SPATA6: variants seen among roughly 807,000 people sequenced by gnomAD.
SPATA6 encodes the protein spermatogenesis-associated protein 6.
Under a neutral mutation model 65.3 loss-of-function variants are expected in SPATA6, and 56 were observed. That is an observed-to-expected ratio of 0.86 (90% CI 0.69 to 1.07). SPATA6 has a LOEUF of 1.07. Among genes scored for constraint, SPATA6 ranks in the 50% least tolerant of loss-of-function variants. The pLI is 0.00. For missense variants in SPATA6, 590 were observed against 594.8 expected (o/e 0.99, Z 0.08); for synonymous variants, 199 against 213.2 (o/e 0.93, Z 0.58).
At chr1:48,402,900 C>T (rs998117445) in intron 6 of SPATA6, among the ~76,000 whole-genome samples, 3 of 152,138 alleles carry the variant, frequency 2.0e-5, no homozygotes, top group African/African-American at 7.2e-5. Flanking sequence ...CAGACTAGGC[C>T]AGGCAGATAA....
chr1:48,399,576 T>C lies in SPATA6; in HGVS notation c.555A>G (p.Arg185=), dbSNP rs776669679. ...GTGACTTGGATTTTTTCTTTTGTGA[T>C]CTTGATGTTCTGTTTTGCAGTCTGC... ...SHGRLQNRTS[R]SQKKKSKSPE... The change falls in exon 7 of 13, where the codon AGA becomes AGG. Residue 185 remains arginine (R), a synonymous_variant. Transcript: ENST00000371847. 8 of 1,612,746 alleles carry C rather than the reference T, an allele frequency of 5.0e-6. No individual in the cohort carries two copies. In the Admixed American group the frequency reaches 6.7e-5, roughly 13 times the overall value.
chr1:48,287,683 G>C, the SPATA6 span, among the ~76,000 whole-genome samples: 1 of 152,298 alleles, frequency 6.6e-6, no homozygotes, highest in South Asian at 2.1e-4. Flanking sequence ...ATGATTATGA[G>C]CTCCCTGAGG....
intron 12 of SPATA6, among the ~76,000 whole-genome samples, chr1:48,304,293 T>C (rs1645007609): frequency 6.6e-6 from 1 of 152,160 alleles, no homozygotes; most frequent in South Asian, 2.1e-4. Flanking sequence ...CTCAAAAATG[T>C]GTAAGCAGAA....
chr1:48,305,756 T>G (rs370000870), intron 12 of SPATA6, 31 bp downstream of exon 12: 422 of 1,486,736 alleles, frequency 2.8e-4, no homozygotes, highest in Non-Finnish European at 3.6e-4. Context: ...ATCAGAACTA[T>G]GAGAAGGATA....
At chr1:48,367,397 G>A (rs1350935592) in intron 9 of SPATA6, among the ~76,000 whole-genome samples, 1 of 152,160 alleles carries the variant, frequency 6.6e-6, no homozygotes, top group Non-Finnish European at 1.5e-5. Flanking sequence ...ACAGTGGGGT[G>A]TTAAAGTCTC....
At chr1:48,370,838 C>T (rs1647219514) in intron 9 of SPATA6, among the ~76,000 whole-genome samples, 1 of 152,154 alleles carries the variant, frequency 6.6e-6, no homozygotes, top group Non-Finnish European at 1.5e-5. Flanking sequence ...TAGCCCAAGC[C>T]TAACAGGATT....
intron 11 of SPATA6, among the ~76,000 whole-genome samples, chr1:48,346,431 C>G (rs1316111143): frequency 1.3e-5 from 2 of 152,076 alleles, no homozygotes; most frequent in Non-Finnish European, 2.9e-5. Flanking sequence ...AAGATGACCT[C>G]TCTCATCACT....
At chr1:48,380,133 C>A (rs1648391330) in intron 9 of SPATA6, among the ~76,000 whole-genome samples, 1 of 152,192 alleles carries the variant, frequency 6.6e-6, no homozygotes. Context: ...AAAGTACATT[C>A]ATTCAAAGAA....
intron 9 of SPATA6, among the ~76,000 whole-genome samples, chr1:48,361,221 T>C (rs1001466394): frequency 2.0e-5 from 3 of 152,108 alleles, no homozygotes; most frequent in Non-Finnish European, 4.4e-5. Context: ...TACTCCAATA[T>C]TTAGAGGCTT....
At chr1:48,446,791 G>C (rs1656089652) in intron 3 of SPATA6, among the ~76,000 whole-genome samples, 1 of 152,096 alleles carries the variant, frequency 6.6e-6, no homozygotes, top group Non-Finnish European at 1.5e-5. Context: ...AATACAATCA[G>C]AATGCACAAG....
intron 11 of SPATA6, among the ~76,000 whole-genome samples, chr1:48,311,987 A>C (rs1302176755): frequency 2.6e-5 from 4 of 152,182 alleles, no homozygotes; most frequent in Non-Finnish European, 5.9e-5. Flanking sequence ...CAACAGTCTG[A>C]GATAAAACTG....
At chr1:48,312,006 C>G (rs1395133095) in intron 11 of SPATA6, among the ~76,000 whole-genome samples, 1 of 152,168 alleles carries the variant, frequency 6.6e-6, no homozygotes, top group Non-Finnish European at 1.5e-5. Flanking sequence ...TGCAAGGTGG[C>G]AGCGAGGCTG....
At chr1:48,391,446 C>T (rs1650061783) in intron 8 of SPATA6, among the ~76,000 whole-genome samples, 1 of 151,746 alleles carries the variant, frequency 6.6e-6, no homozygotes, top group African/African-American at 2.4e-5. Context: ...GTATGTATTT[C>T]CTGGAAGCTA....
chr1:48,417,639 C>T (rs536634087), intron 3 of SPATA6, among the ~76,000 whole-genome samples: 2 of 152,064 alleles, frequency 1.3e-5, no homozygotes, highest in South Asian at 4.2e-4. Flanking sequence ...TATGGTGAAA[C>T]CCTGTCTCTA....
chr1:48,470,013 TG>T (rs1236201406), intron 1 of SPATA6, among the ~76,000 whole-genome samples: 5 of 152,216 alleles, frequency 3.3e-5, no homozygotes, highest in Non-Finnish European at 7.3e-5. Context: ...CCATCTAAGA[TG>T]TCTCGGAACT....
intron 10 of SPATA6, among the ~76,000 whole-genome samples, chr1:48,356,353 A>T (rs757554530): frequency 1.3e-5 from 2 of 151,838 alleles, no homozygotes; most frequent in African/African-American, 2.4e-5. Context: ...CAAATTCAAA[A>T]CTGACACTAG....
At chr1:48,292,112 G>A (rs1407850561), downstream of SPATA6, among the ~76,000 whole-genome samples, 1 of 152,196 alleles carries the variant, frequency 6.6e-6, no homozygotes, top group African/African-American at 2.4e-5. Flanking sequence ...TGGTGTCATA[G>A]TTTTCTGAAT....
chr1:48,367,465 T>C (rs1195038007), intron 9 of SPATA6, among the ~76,000 whole-genome samples: 2 of 152,264 alleles, frequency 1.3e-5, no homozygotes, highest in Non-Finnish European at 2.9e-5. Flanking sequence ...ACTTGCTTTA[T>C]GAATCTGCAT....
At chr1:48,411,707 G>A (rs150980623) in intron 4 of SPATA6, 119 bp from the exon 5 acceptor site, 7 of 871,028 alleles carry the variant, frequency 8.0e-6, no homozygotes, top group Non-Finnish European at 1.1e-5. Context: ...TTTGGGTCAT[G>A]TTTATTTTCT....
Sources: gnomAD v4.1 joint callset for allele counts (sites outside exome capture counted in the v4.1 genomes callset) on GRCh38, gnomAD v4.1.1 for gene constraint, MANE v1.5 for transcripts, NCBI Gene and HGNC (gene_info 2026-07-23, HGNC 2026-07-21) for gene names.